FAM13A: variants seen among roughly 807,000 people sequenced by gnomAD.
FAM13A encodes the protein family with sequence similarity 13 member A.
Under a neutral mutation model 129.6 loss-of-function variants are expected in FAM13A, and 76 were observed. The ratio of observed to expected loss-of-function variants is 0.59; its 90% confidence interval spans 0.49 to 0.71. The LOEUF (loss-of-function observed/expected upper bound fraction) is 0.71, where lower values mean the gene tolerates loss of function less well. FAM13A is among the 30% of genes least tolerant of loss of function. The probability of loss-of-function intolerance (pLI) is 0.00; values close to 1 mark genes in which losing one functional copy is unlikely to be tolerated. For missense variants in FAM13A, 1,108 were observed against 1,249.3 expected (o/e 0.89, Z 1.70); for synonymous variants, 443 against 449.9 (o/e 0.98, Z 0.20).
chr4:88,882,138 G>A (rs1002840161), intron 6 of FAM13A, among the ~76,000 whole-genome samples: 2 of 151,978 alleles, frequency 1.3e-5, no homozygotes, highest in African/African-American at 2.4e-5. Flanking sequence ...AGAACATCTG[G>A]GAAATTTATC....
intron 6 of FAM13A, among the ~76,000 whole-genome samples, chr4:88,882,353 A>G (rs149864111): frequency 0.012 from 1,811 of 152,268 alleles, 45 homozygotes; most frequent in African/African-American, 0.041. Context: ...AGTAATTATC[A>G]GCCAAGAATT....
chr4:88,834,465 G>A (rs1734471963), intron 7 of FAM13A, among the ~76,000 whole-genome samples: 1 of 151,868 alleles, frequency 6.6e-6, no homozygotes, highest in South Asian at 2.1e-4. Flanking sequence ...CCCCAAAAAA[G>A]CACTGAAATT....
intron 7 of FAM13A, among the ~76,000 whole-genome samples, chr4:88,845,875 A>T (rs1398347972): frequency 1.3e-5 from 2 of 152,232 alleles, no homozygotes; most frequent in Non-Finnish European, 2.9e-5. Context: ...TCTGAAACAC[A>T]CTGTCCCATG....
At chr4:88,961,346 C>CTTTTTTTTTT (rs1560548919) in intron 4 of FAM13A, among the ~76,000 whole-genome samples, 2 of 89,326 alleles carry the variant, frequency 2.2e-5, no homozygotes, top group Non-Finnish European at 2.3e-5. Flanking sequence ...GTGGAATTTG[C>CTTTTTTTTTT]CTTTTTTTTT....
chr4:88,891,764 C>A (rs1457888044), intron 6 of FAM13A, among the ~76,000 whole-genome samples: 2 of 152,134 alleles, frequency 1.3e-5, no homozygotes, highest in African/African-American at 2.4e-5. Context: ...TCATTTAAGA[C>A]AAAAACTCTT....
At chr4:89,006,672 G>A (rs1765069674) in intron 3 of FAM13A, among the ~76,000 whole-genome samples, 2 of 152,184 alleles carry the variant, frequency 1.3e-5, no homozygotes, top group Admixed American at 1.3e-4. Flanking sequence ...TTTACACCCT[G>A]CCCTCTTGGT....
chr4:88,998,084 A>G (rs1763792907), intron 3 of FAM13A, among the ~76,000 whole-genome samples: 1 of 152,186 alleles, frequency 6.6e-6, no homozygotes, highest in Non-Finnish European at 1.5e-5. Flanking sequence ...GTCTGGGAGT[A>G]GATTCCCCCT....
chr4:88,932,545 G>C (rs2148787151), intron 5 of FAM13A, among the ~76,000 whole-genome samples: 1 of 152,266 alleles, frequency 6.6e-6, no homozygotes, highest in East Asian at 1.9e-4. Flanking sequence ...TAAGAAAAAA[G>C]TGAATAAACA....
At position 88,781,938 on chromosome 4, in the gene FAM13A, T is replaced by C. The variant is rs969811890; in HGVS notation, c.1272-587A>G. Among the ~76,000 whole-genome samples, 68 of 151,282 alleles carry C rather than the reference T, an allele frequency of 4.5e-4. 1 individual carries two copies. Among genetic ancestry groups the C allele is most frequent in the Non-Finnish European group, 1.5e-4 (10 of 67,898 alleles). On this transcript the variant is annotated intron_variant, in intron 10 of 23. Transcript: ENST00000264344. ...CACACCAACATGGCACATGTATACA[T>C]ATGTAACAAACCTGCACATTGTGCA...
intron 6 of FAM13A, among the ~76,000 whole-genome samples, chr4:88,862,091 A>C (rs1388734854): frequency 6.6e-6 from 1 of 152,220 alleles, no homozygotes; most frequent in Admixed American, 6.5e-5. Context: ...AGAGAGACTA[A>C]ATTAGACTTA....
chr4:88,753,261 AT>A (rs768312995), intron 14 of FAM13A, among the ~76,000 whole-genome samples: 10 of 152,224 alleles, frequency 6.6e-5, no homozygotes, highest in Non-Finnish European at 1.0e-4. Context: ...GAAAATGCTA[AT>A]CATGGAACTG....
At chr4:88,762,256 G>A (rs1240581408) in intron 13 of FAM13A, among the ~76,000 whole-genome samples, 6 of 152,220 alleles carry the variant, frequency 3.9e-5, no homozygotes, top group African/African-American at 1.4e-4. Flanking sequence ...GGATGAGGAT[G>A]TGTCATATAT....
chr4:88,860,430 T>C (rs1739296476), intron 6 of FAM13A, among the ~76,000 whole-genome samples: 1 of 152,222 alleles, frequency 6.6e-6, no homozygotes, highest in South Asian at 2.1e-4. Context: ...TCATCTATGA[T>C]TGTGAATAGT....
At chr4:88,803,152 T>A (rs566733152) in intron 8 of FAM13A, among the ~76,000 whole-genome samples, 1 of 152,336 alleles carries the variant, frequency 6.6e-6, no homozygotes, top group East Asian at 1.9e-4. Flanking sequence ...ATGTCTTGAT[T>A]GGGCCTACTT....
In FAM13A at chr4:88,734,788, C is replaced by A. The variant is rs866308392; in HGVS notation, c.2647-2590G>T. Among the ~76,000 whole-genome samples the A allele has an allele frequency of 5.1e-4, 78 of 152,182 alleles. 1 individual carries two copies. The highest frequency in any genetic ancestry group is 1.7e-3 in the African/African-American group (71 of 41,436). On this transcript the variant is annotated intron_variant, in intron 21 of 23. Coordinates refer to ENST00000264344, the MANE Select transcript of FAM13A (RefSeq NM_014883.4). The stretch of plus-strand genomic sequence containing the variant: ...GTGCTGCACAACAGTTACCCAGCCC[C>A]AAAGGTCAGCAGTGCTGAGGCTGAG...
At chr4:88,818,162 G>A (rs1037280237) in intron 7 of FAM13A, among the ~76,000 whole-genome samples, 2 of 147,924 alleles carry the variant, frequency 1.4e-5, no homozygotes, top group African/African-American at 5.0e-5. Flanking sequence ...TTTTTTTTTT[G>A]TTTTTCTTTT....
At chr4:88,944,564 C>T (rs1037884212) in intron 4 of FAM13A, among the ~76,000 whole-genome samples, 1 of 151,890 alleles carries the variant, frequency 6.6e-6, no homozygotes, top group East Asian at 1.9e-4. Flanking sequence ...AGGCAAAGTC[C>T]GATGTCTGCA....
chr4:88,925,987 G>C (rs565190004), intron 5 of FAM13A, among the ~76,000 whole-genome samples: 7 of 152,204 alleles, frequency 4.6e-5, no homozygotes, highest in Non-Finnish European at 7.4e-5. Context: ...AACTTGCTGC[G>C]AGGATTGAGA....
At chr4:88,883,684 A>G (rs991682003) in intron 6 of FAM13A, among the ~76,000 whole-genome samples, 1 of 152,050 alleles carries the variant, frequency 6.6e-6, no homozygotes, top group African/African-American at 2.4e-5. Flanking sequence ...TAAATGAAAT[A>G]GAAACAAACA....
Sources: gnomAD v4.1 joint callset for allele counts (sites outside exome capture counted in the v4.1 genomes callset) on GRCh38, gnomAD v4.1.1 for gene constraint, MANE v1.5 for transcripts, NCBI Gene and HGNC (gene_info 2026-07-23, HGNC 2026-07-21) for gene names.